KDM5B: variants seen among roughly 807,000 people sequenced by gnomAD.
KDM5B encodes lysine-specific demethylase 5B.
Under a neutral mutation model 193.4 loss-of-function variants are expected in KDM5B, and 144 were observed. The observed-to-expected ratio is 0.74, with a 90% CI of 0.65 to 0.86. The LOEUF (loss-of-function observed/expected upper bound fraction) is 0.86, where lower values mean the gene tolerates loss of function less well. Ranked by LOEUF, KDM5B falls within the 40% of genes least tolerant of loss-of-function variation. KDM5B has a pLI of 0.00. For missense variants in KDM5B, 1,833 were observed against 1,886.9 expected (o/e 0.97, Z 0.53); for synonymous variants, 668 against 682.6 (o/e 0.98, Z 0.33).
chr1:202,762,862 A>AACTCC, intron 6 of KDM5B, 54 bp from the exon 7 acceptor site: 3 of 929,828 alleles, frequency 3.2e-6, no homozygotes, highest in Non-Finnish European at 3.6e-6. Flanking sequence ...CCACTTCCTC[A>AACTCC]TCATCTCCCT....
At chr1:202,780,910 T>G (rs1657170855) in intron 1 of KDM5B, among the ~76,000 whole-genome samples, 1 of 152,252 alleles carries the variant, frequency 6.6e-6, no homozygotes, top group Non-Finnish European at 1.5e-5. Context: ...TGTGTTGAAT[T>G]TTACATATGC....
rs370701042 is a variant in KDM5B at position 202,808,309 on chromosome 1, C to T, written c.-4G>A. 1.3e-6 allele frequency: 2 copies of T among 1,587,544 alleles called. No individual in the cohort carries two copies. The highest frequency in any genetic ancestry group is 2.2e-4 in the Middle Eastern group (1 of 4,576). On this transcript the variant is annotated 5_prime_UTR_variant, in exon 1 of 27. Transcript: ENST00000367265. ...GCAGTGTGGTGGCCGCCTCCATCAC[C>T]GCAGGCTGGGCAAGGGCGAGGCGAA...
chr1:202,732,071 C>T (rs1654908240), intron 23 of KDM5B, 132 bp from the exon 24 acceptor site: 1 of 623,058 alleles, frequency 1.6e-6, no homozygotes, highest in South Asian at 1.9e-5. Context: ...CTTGATTTTC[C>T]CCTACTGAAG....
In KDM5B at chr1:202,736,328, G is replaced by A. The variant is rs1408456233; in HGVS notation, c.3149C>T (p.Pro1050Leu). The change falls in exon 21 of 27, where the codon CCC becomes CTC. Residue 1050 changes from proline to leucine, a missense_variant. By Grantham distance (98) the Pro-to-Leu change is moderately conservative. This residue lies in a region of KDM5B where 1,379 missense variants were observed against 1,349.6 expected (regional missense o/e 1.02). Transcript: ENST00000367265. ...TCTTGGCAAAGAATTCAGATGTACG[G>A]GGATAGATCGGCCTCGTGTAACAAG... Reference protein sequence around the residue: ...IELVTRGRSIPVHLNSLPRLE... With the variant: ...IELVTRGRSILVHLNSLPRLE... 5.6e-6 allele frequency: 9 copies of A among 1,611,990 alleles called. No individual in the cohort carries two copies. Among genetic ancestry groups the A allele is most frequent in the Admixed American group, 1.7e-5 (1 of 59,724 alleles).
rs778335240 is a variant in KDM5B at position 202,742,508 on chromosome 1, G to A, written c.2475-3C>T. ...ATTTCCCTCCACCAGATCGATATCT[G>A]TAAAGACAAAGGCCCAAGGAAGCCA... On this transcript the variant is annotated splice_region_variant and splice_polypyrimidine_tract_variant and intron_variant, in intron 17 of 26. Transcript: ENST00000367265. 4 of 1,613,172 alleles carry A rather than the reference G, an allele frequency of 2.5e-6. No individual in the cohort carries two copies. The highest frequency in any genetic ancestry group is 3.4e-6 in the Non-Finnish European group (4 of 1,179,304).
chr1:202,750,548 T>A, intron 13 of KDM5B, 111 bp downstream of exon 13: 1 of 1,173,760 alleles, frequency 8.5e-7, no homozygotes, highest in Non-Finnish European at 1.2e-6. Context: ...GCGCTGGGAT[T>A]ATAGGCATGA....
intron 22 of KDM5B, among the ~76,000 whole-genome samples, chr1:202,734,192 TA>T (rs779144892): frequency 2.7e-5 from 4 of 150,754 alleles, no homozygotes; most frequent in Non-Finnish European, 5.9e-5. Context: ...CTGTCACAGT[TA>T]AAAAACCATT....
rs149690448 is a variant in KDM5B at position 202,729,529 on chromosome 1, G to A, written c.4497+178C>T. ...GAACAAGAGTTTCTTCAAGAAAAGGGAGGAGACCCAGGAACGATGGTAAGA... is the reference window on the plus strand; with the variant it reads ...GAACAAGAGTTTCTTCAAGAAAAGGAAGGAGACCCAGGAACGATGGTAAGA... On this transcript the variant is annotated intron_variant, in intron 26 of 26. Coordinates refer to ENST00000367265, the MANE Select transcript of KDM5B (RefSeq NM_006618.5). 3.0e-4 allele frequency: 186 copies of A among 618,044 alleles called. 1 individual carries two copies. Among genetic ancestry groups the A allele is most frequent in the Non-Finnish European group, 4.7e-4 (166 of 356,606 alleles). 38.3% of individuals were successfully genotyped at this position (618,044 alleles called of 1,614,324 possible).
intron 1 of KDM5B, among the ~76,000 whole-genome samples, chr1:202,803,088 G>A (rs1658139100): frequency 6.6e-6 from 1 of 151,992 alleles, no homozygotes; most frequent in African/African-American, 2.4e-5. Flanking sequence ...TTGAGCCCAA[G>A]AAGTGGAAGC....
intron 1 of KDM5B, among the ~76,000 whole-genome samples, chr1:202,798,366 C>T (rs1657936137): frequency 7.0e-6 from 1 of 142,938 alleles, no homozygotes; most frequent in South Asian, 2.1e-4. Context: ...AATTCCTGTG[C>T]TCAAGCAATC....
chr1:202,753,095 A>C, intron 11 of KDM5B, 28 bp from the exon 12 acceptor site: 1 of 1,592,572 alleles, frequency 6.3e-7, no homozygotes, highest in Non-Finnish European at 8.6e-7. Context: ...AAATAAATCA[A>C]TCTGCAACAC....
rs1237519777 is a variant in KDM5B at position 202,755,448 on chromosome 1, T to C, written c.1361A>G (p.Tyr454Cys). 3 of 1,611,036 alleles carry C rather than the reference T, an allele frequency of 1.9e-6. No individual in the cohort carries two copies. Among genetic ancestry groups the C allele is most frequent in the Non-Finnish European group, 2.5e-6 (3 of 1,177,764 alleles). ...GTTCAAATTCCAGCCACTATCAAGA[T>C]ACTCCTAAAAATAAGAAGACAAAAG... Reference protein sequence around the residue: ...KIKLSPEEEEYLDSGWNLNNM... With the variant: ...KIKLSPEEEECLDSGWNLNNM... Residue 454 changes from tyrosine (Y) to cysteine (C), a missense_variant, in exon 11 of 27, where the codon TAT (tyrosine) becomes TGT (cysteine). Tyr to Cys is a radical substitution (Grantham distance 194). Around this residue, in one of 3 missense-constraint regions of KDM5B, gnomAD observed 1,379 missense variants for 1,349.6 expected, o/e 1.02. Transcript: ENST00000367265.
intron 4 of KDM5B, among the ~76,000 whole-genome samples, chr1:202,767,702 A>T (rs1656530513): frequency 6.7e-6 from 1 of 149,706 alleles, no homozygotes; most frequent in African/African-American, 2.6e-5. Context: ...TTAAAACATT[A>T]AAAAAAATTT....
In KDM5B at chr1:202,729,890, G is replaced by C; in HGVS notation, c.4314C>G (p.Ile1438Met). The C allele has an allele frequency of 6.2e-7, 1 of 1,614,138 alleles. No individual in the cohort carries two copies. The highest frequency in any genetic ancestry group is 8.5e-7 in the Non-Finnish European group (1 of 1,180,008). ...KKMRTPKKKK[I>M]KLSHPKDMNN... ...TCATGTCCTTGGGGTGGCTCAGTTT[G>C]ATTTTCTTCTTTTTGGGGGTCCGCA... The change falls in exon 26 of 27, where the codon ATC (isoleucine) becomes ATG (methionine). Residue 1438 changes from isoleucine to methionine, a missense_variant. Transcript: ENST00000367265.
rs529684613 is a variant in KDM5B at position 202,729,591 on chromosome 1, T to C, written c.4497+116A>G. On this transcript the variant is annotated intron_variant, in intron 26 of 26. Transcript: ENST00000367265. ...AGTGGGGGAAGGGCTGAGCAATCCA[T>C]TCAGATCAGCTCAAAGCAGATAAGC... 6.2e-5 allele frequency: 52 copies of C among 838,574 alleles called. No individual in the cohort carries two copies. In the Admixed American group the frequency reaches 1.1e-3, roughly 18 times the overall value. The allele number at this position is 838,574 out of a possible 1,614,324, so 51.9% of individuals were successfully genotyped here. A position where few individuals can be genotyped will look rare whatever the true frequency, so the allele number is the denominator to read the frequency against.
intron 20 of KDM5B, among the ~76,000 whole-genome samples, chr1:202,739,066 C>T (rs1655201821): frequency 1.3e-5 from 2 of 152,116 alleles, no homozygotes; most frequent in African/African-American, 4.8e-5. Flanking sequence ...CTTAGCTGGG[C>T]ATTTAGTCAT....
chr1:202,738,319 C>A (rs969692126), intron 20 of KDM5B, among the ~76,000 whole-genome samples: 2 of 152,198 alleles, frequency 1.3e-5, no homozygotes, highest in African/African-American at 4.8e-5. Context: ...CATGACTTCA[C>A]CTTCTGGCTG....
chr1:202,767,401 C>T (rs1656515685), intron 4 of KDM5B: 15 of 1,445,846 alleles, frequency 1.0e-5, no homozygotes, highest in African/African-American at 1.4e-5. Context: ...TGTGAACCTC[C>T]GGATGCTCTA....
intron 1 of KDM5B, chr1:202,796,265 C>T (rs552946547): frequency 6.5e-5 from 27 of 416,246 alleles, no homozygotes; most frequent in African/African-American, 5.6e-4. Context: ...GTCCTGGAGC[C>T]TCTGTACCTA....
Sources: allele counts gnomAD v4.1 joint callset (sites outside exome capture counted in the v4.1 genomes callset), GRCh38; gene constraint gnomAD v4.1.1; regional missense constraint gnomAD v4.1.1; transcripts MANE v1.5; gene names NCBI Gene and HGNC (gene_info 2026-07-23, HGNC 2026-07-21).